Variants in SAP30L observed in about 807,000 individuals in gnomAD.
SAP30L encodes histone deacetylase complex subunit SAP30L.
SAP30L carries 10 observed loss-of-function variants against 22.3 expected under a neutral mutation model. The observed-to-expected ratio is 0.45, with a 90% CI of 0.28 to 0.76. The LOEUF (loss-of-function observed/expected upper bound fraction) is 0.76, where lower values mean the gene tolerates loss of function less well. Among genes scored for constraint, SAP30L ranks in the 30% least tolerant of loss-of-function variants. The pLI is 0.14. For synonymous variants in SAP30L, 91 were observed against 94.1 expected, an observed-to-expected ratio of 0.97 and a Z score of 0.19; for missense variants, 206 against 237.9, an observed-to-expected ratio of 0.87 and a Z score of 0.88.
At chr5:154,453,529 G>A (rs1264032459) in intron 3 of SAP30L, 29 bp downstream of exon 3, 4 of 1,428,752 alleles carry the variant, frequency 2.8e-6, no homozygotes. Flanking sequence ...CCTCTAAAGA[G>A]AGCCAGCATT....
chr5:154,449,375 G>T (rs1376066359), intron 1 of SAP30L, among the ~76,000 whole-genome samples: 1 of 152,168 alleles, frequency 6.6e-6, no homozygotes, highest in Non-Finnish European at 1.5e-5. Flanking sequence ...CCTCACTCTG[G>T]ATGGCTTCAT....
chr5:154,446,809 A>C lies in SAP30L; in HGVS notation c.201+4A>C. On this transcript the variant is annotated splice_donor_region_variant and intron_variant, in intron 1 of 3. Coordinates refer to ENST00000297109, the MANE Select transcript of SAP30L (RefSeq NM_024632.6). ...CAAGCTGGACATCGACAAGAGCGTG[A>C]GTCCGCCCCCGCTCGCGTCTGGGCC... is the stretch of plus-strand genomic sequence containing the variant. The C allele has an allele frequency of 1.2e-6, 2 of 1,600,208 alleles. No homozygotes were observed. Among genetic ancestry groups the C allele is most frequent in the Non-Finnish European group, 1.7e-6 (2 of 1,174,554 alleles).
At position 154,458,823 on chromosome 5, in the gene SAP30L, A is replaced by G. The variant is rs905890022; in HGVS notation, c.*2795A>G. 8 of 152,234 alleles carry G rather than the reference A, an allele frequency of 5.3e-5. No homozygotes were observed. The highest frequency in any genetic ancestry group is 1.9e-4 in the African/African-American group (8 of 41,448). 9.4% of individuals were successfully genotyped at this position (152,234 alleles called of 1,614,324 possible). ...AACAAACTCTTAGGTTGGCAACAGC[A>G]TATAAAAAAAAAGATCACAGCTGAA... On this transcript the variant is annotated 3_prime_UTR_variant, in exon 4 of 4. Coordinates refer to ENST00000297109, the MANE Select transcript of SAP30L (RefSeq NM_024632.6).
chr5:154,455,905 G>A lies in SAP30L; in HGVS notation c.429G>A (p.Val143=). 1 of 1,611,028 alleles carries A rather than the reference G, an allele frequency of 6.2e-7. No individual in the cohort carries two copies. Among genetic ancestry groups the A allele is most frequent in the Non-Finnish European group, 8.5e-7 (1 of 1,179,154 alleles). The change falls in exon 4 of 4, where the codon GTG becomes GTA. Residue 143 remains valine (V), a synonymous_variant. Transcript: ENST00000297109. ...GFNKAQLAET[V]SRHFRNIPVN... ...GGTATTTTCCCCCCACATAGACTGT[G>A]AGTCGACACTTCAGGAACATACCTG...
At position 154,446,538 on chromosome 5, in the gene SAP30L, G is replaced by A; in HGVS notation, c.-67G>A. 7.7e-7 allele frequency: 1 copy of A among 1,304,274 alleles called. No homozygotes were observed. The highest frequency in any genetic ancestry group is 1.0e-6 in the Non-Finnish European group (1 of 1,003,650). The allele number at this position is 1,304,274 out of a possible 1,614,324, so 80.8% of individuals were successfully genotyped here. On this transcript the variant is annotated 5_prime_UTR_variant, in exon 1 of 4. Coordinates refer to ENST00000297109, the MANE Select transcript of SAP30L (RefSeq NM_024632.6). ...CGGGGGTCTCAGCGACCTGCCCCGCGGCAAGCGCGGCCGCGGAGTGGCCTA... is the reference window on the plus strand; with the variant it reads ...CGGGGGTCTCAGCGACCTGCCCCGCAGCAAGCGCGGCCGCGGAGTGGCCTA...
chr5:154,446,834 C>A, intron 1 of SAP30L, 29 bp downstream of exon 1: 1 of 1,567,504 alleles, frequency 6.4e-7, no homozygotes, highest in South Asian at 1.1e-5. Flanking sequence ...GCGTCTGGGC[C>A]CCGGCGCCCC....
chr5:154,449,759 A>G (rs1296741517), intron 1 of SAP30L, among the ~76,000 whole-genome samples: 1 of 152,212 alleles, frequency 6.6e-6, no homozygotes, highest in Non-Finnish European at 1.5e-5. Flanking sequence ...GAATCTGACA[A>G]AGCTATCCCA....
Position 154,456,165 on chromosome 5 carries a change from G to A in SAP30L, c.*137G>A, listed in dbSNP as rs1438950863. 2 of 861,380 alleles carry A rather than the reference G, an allele frequency of 2.3e-6. No homozygotes were observed. Among genetic ancestry groups the A allele is most frequent in the African/African-American group, 1.7e-5 (1 of 58,152 alleles). The allele number at this position is 861,380 out of a possible 1,614,324, so 53.4% of individuals were successfully genotyped here. A position where few individuals can be genotyped will look rare whatever the true frequency, so the allele number is the denominator to read the frequency against. On this transcript the variant is annotated 3_prime_UTR_variant, in exon 4 of 4. Transcript: ENST00000297109. ...ATGATGAATACTGTAAATCTTTTTGGTCAGGAGGATTATATTCTCATGATT... is the reference window on the plus strand; with the variant it reads ...ATGATGAATACTGTAAATCTTTTTGATCAGGAGGATTATATTCTCATGATT...
Position 154,452,916 on chromosome 5 carries a change from C to T in SAP30L, c.325-486C>T, listed in dbSNP as rs372122883. ...TGATTGTTGCTATAGCATCTCCCTC[C>T]GTATCCCCCCATCAGTCTTCCCAAC... On this transcript the variant is annotated intron_variant, in intron 2 of 3. Transcript: ENST00000297109. 4.7e-4 allele frequency among the ~76,000 whole-genome samples: 72 copies of T among 152,126 alleles called. No individual in the cohort carries two copies. The East Asian group carries it at 0.011, about 23-fold the overall frequency.
At position 154,451,101 on chromosome 5, in the gene SAP30L, T is replaced by A; in HGVS notation, c.212T>A (p.Leu71Gln). Residue 71 changes from leucine (L) to glutamine (Q), a missense_variant, in exon 2 of 4, where the codon CTA (leucine) becomes CAA (glutamine). Physicochemically the swap from Leu to Gln is moderately radical, Grantham distance 113. Coordinates refer to ENST00000297109, the MANE Select transcript of SAP30L (RefSeq NM_024632.6). ...TTTTGTCTCCATCAGGTAAGGCACC[T>A]ATATATCTGTGATTTTCACAAAAAT... ...KLDIDKSVRH[L>Q]YICDFHKNFI... 6.2e-7 allele frequency: 1 copy of A among 1,614,094 alleles called. No individual in the cohort carries two copies. The highest frequency in any genetic ancestry group is 8.5e-7 in the Non-Finnish European group (1 of 1,179,974).
chr5:154,452,803 A>T (rs1044721598), intron 2 of SAP30L, among the ~76,000 whole-genome samples: 2 of 152,054 alleles, frequency 1.3e-5, no homozygotes, highest in Non-Finnish European at 2.9e-5. Context: ...ATCCTCCAGG[A>T]TGTCTCTGGT....
At chr5:154,455,781 A>T in intron 3 of SAP30L, 119 bp from the exon 4 acceptor site, 1 of 1,275,700 alleles carries the variant, frequency 7.8e-7, no homozygotes, top group Non-Finnish European at 1.1e-6. Flanking sequence ...GAAGTTCTTC[A>T]GCATTTGTCA....
chr5:154,450,933 C>G (rs918694684), intron 1 of SAP30L, among the ~76,000 whole-genome samples, 158 bp from the exon 2 acceptor site: 1 of 152,206 alleles, frequency 6.6e-6, no homozygotes, highest in Non-Finnish European at 1.5e-5. Context: ...TTGTGTTCTG[C>G]AACTCAGTAG....
In SAP30L at chr5:154,451,141, C is replaced by T. The variant is rs1561701180; in HGVS notation, c.252C>T (p.Val84=). 1.2e-6 allele frequency: 2 copies of T among 1,613,928 alleles called. No homozygotes were observed. Among genetic ancestry groups the T allele is most frequent in the Non-Finnish European group, 8.5e-7 (1 of 1,179,878 alleles). The part of the protein sequence containing the change: ...CDFHKNFIQS[V]RNKRKRKTSD... The stretch of plus-strand genomic sequence containing the variant: ...TTCACAAAAATTTCATCCAGAGTGT[C>T]CGAAATAAAAGGAAGAGGAAGACAA... Residue 84 remains valine (V), a synonymous_variant, in exon 2 of 4, where the codon GTC becomes GTT. Coordinates refer to ENST00000297109, the MANE Select transcript of SAP30L (RefSeq NM_024632.6).
intron 3 of SAP30L, among the ~76,000 whole-genome samples, chr5:154,454,088 G>C (rs1465845354): frequency 1.3e-5 from 2 of 152,218 alleles, no homozygotes; most frequent in Admixed American, 6.5e-5. Context: ...AAAGTGCTGA[G>C]ATTACAGGCG....
At chr5:154,452,437 C>T in intron 2 of SAP30L, 1 of 979,070 alleles carries the variant, frequency 1.0e-6, no homozygotes, top group South Asian at 4.7e-5. Context: ...TCATATTGAT[C>T]ATTCATTTTG....
At position 154,454,821 on chromosome 5, in the gene SAP30L, C is replaced by A. The variant is rs115050830; in HGVS notation, c.424-1079C>A. 4.8e-3 allele frequency among the ~76,000 whole-genome samples: 727 copies of A among 152,254 alleles called. 8 individuals carry two copies. Among genetic ancestry groups the A allele is most frequent in the African/African-American group, 0.016 (682 of 41,532 alleles). ...AGTAAATGATGCATTTTCCTTCAAACCTGATATGTCTTTCAGGAGGCAGTT... is the reference window on the plus strand; with the variant it reads ...AGTAAATGATGCATTTTCCTTCAAAACTGATATGTCTTTCAGGAGGCAGTT... On this transcript the variant is annotated intron_variant, in intron 3 of 3. Coordinates refer to ENST00000297109, the MANE Select transcript of SAP30L (RefSeq NM_024632.6).
chr5:154,446,504 C>A lies in SAP30L; in HGVS notation c.-101C>A. 9.9e-7 allele frequency: 1 copy of A among 1,005,192 alleles called. No individual in the cohort carries two copies. The allele number at this position is 1,005,192 out of a possible 1,614,324, so 62.3% of individuals were successfully genotyped here. On this transcript the variant is annotated 5_prime_UTR_variant, in exon 1 of 4. Coordinates refer to ENST00000297109, the MANE Select transcript of SAP30L (RefSeq NM_024632.6). ...CCGGGCTGGAGACGGACTCTGGGAC[C>A]CTCGGCTGCGGGGGTCTCAGCGACC...
chr5:154,451,438 G>A (rs78135771), intron 2 of SAP30L: 37,710 of 562,110 alleles, frequency 0.067, 1,553 homozygotes, highest in Middle Eastern at 0.091. Context: ...ACAGAGAGCC[G>A]AGGTCATGTA....
Sources: gnomAD v4.1 joint callset for allele counts (sites outside exome capture counted in the v4.1 genomes callset) on GRCh38, gnomAD v4.1.1 for gene constraint, MANE v1.5 for transcripts, NCBI Gene and HGNC (gene_info 2026-07-23, HGNC 2026-07-21) for gene names.